PPARGC1A: variants seen among roughly 807,000 people sequenced by gnomAD.
PPARGC1A encodes PPARG coactivator 1 alpha.
A neutral mutation model predicts 88.7 loss-of-function variants in PPARGC1A; 25 were observed. The observed-to-expected ratio is 0.28, with a 90% CI of 0.21 to 0.39. The LOEUF is 0.39. Ranked by LOEUF, PPARGC1A falls within the 10% of genes least tolerant of loss-of-function variation. The pLI is 1.00. For synonymous variants in PPARGC1A, 363 were observed against 355.6 expected (o/e 1.02, Z -0.24); for missense variants, 880 against 968.7 (o/e 0.91, Z 1.22).
chr4:24,425,711 G>A, the PPARGC1A span, among the ~76,000 whole-genome samples: 1 of 152,164 alleles, frequency 6.6e-6, no homozygotes, highest in African/African-American at 2.4e-5. Context: ...TCAGAATGAG[G>A]TTTCATTATT....
the PPARGC1A span, among the ~76,000 whole-genome samples, chr4:24,410,288 TATACACATACACATATGTGTATGG>T: frequency 1.5e-3 from 235 of 152,314 alleles, no homozygotes; most frequent in Middle Eastern, 3.4e-3. Flanking sequence ...GAATATTATA[TATACACATACACATATGTGTATGG>T]ATACACATAC....
chr4:24,002,089 C>CAGAGAG, the PPARGC1A span, among the ~76,000 whole-genome samples: 1 of 136,840 alleles, frequency 7.3e-6, no homozygotes, highest in African/African-American at 3.1e-5. Flanking sequence ...CACACACACA[C>CAGAGAG]ACACACACAG....
the PPARGC1A span, among the ~76,000 whole-genome samples, chr4:24,171,910 C>T: frequency 6.6e-6 from 1 of 152,182 alleles, no homozygotes; most frequent in South Asian, 2.1e-4. Context: ...GGGAAATTCA[C>T]AAATACATGT....
chr4:24,324,795 A>T, the PPARGC1A span, among the ~76,000 whole-genome samples: 77,457 of 151,724 alleles, frequency 0.51, 21,017 homozygotes, highest in African/African-American at 0.7. Context: ...GTCCCAAATC[A>T]TCCTTCTTTC....
the PPARGC1A span, among the ~76,000 whole-genome samples, chr4:23,914,285 A>G: frequency 1.3e-5 from 2 of 152,296 alleles, no homozygotes; most frequent in African/African-American, 4.8e-5. Flanking sequence ...ATGTGTTAAT[A>G]TTTTTTAATA....
At chr4:23,978,872 T>C in the PPARGC1A span, among the ~76,000 whole-genome samples, 4 of 152,140 alleles carry the variant, frequency 2.6e-5, no homozygotes, top group African/African-American at 4.8e-5. Flanking sequence ...AAAAGCTTCT[T>C]CAATTATAAA....
chr4:23,901,884 T>C (rs1244417905), upstream of PPARGC1A, among the ~76,000 whole-genome samples: 2 of 151,486 alleles, frequency 1.3e-5, no homozygotes, highest in East Asian at 1.9e-4. Context: ...TATTTAAGGG[T>C]TTTTTTTTCT....
At chr4:23,831,443 T>G (rs1229475223) in intron 3 of PPARGC1A, 114 bp downstream of exon 3, 1 of 941,144 alleles carries the variant, frequency 1.1e-6, no homozygotes, top group African/African-American at 1.6e-5. Flanking sequence ...TGGGGATTGC[T>G]TTGGCATCAT....
intron 2 of PPARGC1A, among the ~76,000 whole-genome samples, chr4:23,865,589 C>T (rs1184941175): frequency 6.6e-6 from 1 of 152,170 alleles, no homozygotes; most frequent in East Asian, 1.9e-4. Context: ...ATTCTATCAA[C>T]ATGGGTATCT....
the PPARGC1A span, among the ~76,000 whole-genome samples, chr4:23,971,019 C>T: frequency 5.3e-5 from 8 of 152,264 alleles, no homozygotes; most frequent in African/African-American, 1.2e-4. Context: ...CCATGCCCAC[C>T]GCATGATCTG....
the PPARGC1A span, among the ~76,000 whole-genome samples, chr4:24,075,689 G>A: frequency 6.6e-6 from 1 of 152,066 alleles, no homozygotes; most frequent in African/African-American, 2.4e-5. Flanking sequence ...TTTTATAAAA[G>A]GGAATTCCCC....
chr4:24,054,199 T>C, the PPARGC1A span, among the ~76,000 whole-genome samples: 1 of 151,708 alleles, frequency 6.6e-6, no homozygotes, highest in Admixed American at 6.6e-5. Context: ...AGAAGAGGTA[T>C]CCTAAGGGGA....
At chr4:24,001,274 G>A in the PPARGC1A span, among the ~76,000 whole-genome samples, 14 of 152,112 alleles carry the variant, frequency 9.2e-5, no homozygotes, top group Non-Finnish European at 1.5e-5. Context: ...TGGTGGAAGT[G>A]GGGAGGAAAT....
chr4:24,184,542 C>A, the PPARGC1A span, among the ~76,000 whole-genome samples: 2 of 152,184 alleles, frequency 1.3e-5, no homozygotes, highest in South Asian at 4.1e-4. Flanking sequence ...CAGGCAGGAC[C>A]TAGTTGAAGG....
intron 1 of PPARGC1A, among the ~76,000 whole-genome samples, chr4:23,886,867 A>C (rs1253912194): frequency 1.3e-5 from 2 of 151,594 alleles, no homozygotes; most frequent in Non-Finnish European, 2.9e-5. Flanking sequence ...AAAAAAAAAA[A>C]AAAAAAACAT....
the PPARGC1A span, among the ~76,000 whole-genome samples, chr4:24,183,443 C>A: frequency 6.6e-6 from 1 of 152,180 alleles, no homozygotes; most frequent in African/African-American, 2.4e-5. Flanking sequence ...AGAGTTATCT[C>A]ATTGAAAGGA....
chr4:24,208,218 G>A, the PPARGC1A span, among the ~76,000 whole-genome samples: 3 of 152,102 alleles, frequency 2.0e-5, no homozygotes, highest in Non-Finnish European at 1.5e-5. Flanking sequence ...TGGAGTGTGA[G>A]GCTGCAGTGA....
chr4:23,845,219 C>G (rs115473669), intron 2 of PPARGC1A, among the ~76,000 whole-genome samples: 109 of 152,116 alleles, frequency 7.2e-4, no homozygotes, highest in Non-Finnish European at 1.3e-3. Flanking sequence ...TAGGCATAAC[C>G]AGTGTTTTTT....
At chr4:23,872,941 C>T (rs554382086) in intron 2 of PPARGC1A, among the ~76,000 whole-genome samples, 8 of 152,130 alleles carry the variant, frequency 5.3e-5, no homozygotes, top group East Asian at 3.9e-4. Flanking sequence ...CCTGTAATCC[C>T]GCACTTCGGG....
Sources: gnomAD v4.1 joint callset for allele counts (sites outside exome capture counted in the v4.1 genomes callset) on GRCh38, gnomAD v4.1.1 for gene constraint, MANE v1.5 for transcripts, NCBI Gene and HGNC (gene_info 2026-07-23, HGNC 2026-07-21) for gene names.